ZNF570: variants seen among roughly 807,000 people sequenced by gnomAD.
The protein encoded by ZNF570 is zinc finger protein 570.
In ZNF570, 8 loss-of-function variants were observed where a neutral mutation model predicts 14.2. The ratio of observed to expected loss-of-function variants is 0.56; its 90% CI spans 0.33 to 1.02. ZNF570 has a LOEUF of 1.02. ZNF570 is among the 50% of genes least tolerant of loss of function. The pLI, the probability that ZNF570 is intolerant of heterozygous loss-of-function variation, is 0.03. For missense variants in ZNF570, 559 were observed against 624.9 expected, an observed-to-expected ratio of 0.89 and a Z score of 1.12; for synonymous variants, 202 against 207.6, an observed-to-expected ratio of 0.97 and a Z score of 0.23.
chr19:37,483,690 T>C (rs1174317749), intron 4 of ZNF570, among the ~76,000 whole-genome samples, 189 bp from the exon 5 acceptor site: 1 of 152,234 alleles, frequency 6.6e-6, no homozygotes, highest in Non-Finnish European at 1.5e-5. Context: ...ATAATTCTAA[T>C]CATTCCTTCT....
In ZNF570 at chr19:37,488,263, G is replaced by A. The variant is rs2042176847; in HGVS notation, c.*3030G>A. 1 of 152,122 alleles carries A rather than the reference G, an allele frequency of 6.6e-6. No homozygotes were observed. Among genetic ancestry groups the A allele is most frequent in the Non-Finnish European group, 1.5e-5 (1 of 68,010 alleles). The allele number at this position is 152,122 out of a possible 1,614,324, so 9.4% of individuals were successfully genotyped here. A position where few individuals can be genotyped will look rare whatever the true frequency, so the allele number is the denominator to read the frequency against. On this transcript the variant is annotated 3_prime_UTR_variant, in exon 5 of 5. Transcript: ENST00000330173. The stretch of plus-strand genomic sequence containing the variant: ...TAACTAGAGATATTTCTGTCAACAT[G>A]GGTAAACCTCAAAAATAGTATTAAT...
chr19:37,477,327 GT>G (rs2147012612), intron 4 of ZNF570, among the ~76,000 whole-genome samples: 1 of 148,132 alleles, frequency 6.8e-6, no homozygotes, highest in Admixed American at 6.8e-5. Flanking sequence ...GTGTGTGTGT[GT>G]GTGTATTTGT....
At position 37,475,887 on chromosome 19, in the gene ZNF570, G is replaced by A; in HGVS notation, c.40G>A (p.Val14Met). 2 of 1,607,922 alleles carry A rather than the reference G, an allele frequency of 1.2e-6. No individual in the cohort carries two copies. Among genetic ancestry groups the A allele is most frequent in the Non-Finnish European group, 1.7e-6 (2 of 1,178,296 alleles). The change falls in exon 3 of 5, where the codon GTG (valine) becomes ATG (methionine). Residue 14 changes from valine to methionine, a missense_variant. Coordinates refer to ENST00000330173, the MANE Select transcript of ZNF570 (RefSeq NM_144694.5). ...TCCATTTATTTCATTTCAGGAGTTG[G>A]TGACCTTCAGAGATGTGGCTGTAGA... ...GLLKAMYQEL[V>M]TFRDVAVDFS...
chr19:37,485,505 T>G lies in ZNF570; in HGVS notation c.*272T>G. The stretch of plus-strand genomic sequence containing the variant: ...TCACTGCAACCTCTGACTCCCAGCC[T>G]CTGCCTCCAGGGTTCAAGCAATTCT... On this transcript the variant is annotated 3_prime_UTR_variant, in exon 5 of 5. Coordinates refer to ENST00000330173, the MANE Select transcript of ZNF570 (RefSeq NM_144694.5). 3.2e-6 allele frequency: 1 copy of G among 314,672 alleles called. No individual in the cohort carries two copies. The highest frequency in any genetic ancestry group is 5.8e-6 in the Non-Finnish European group (1 of 172,652). The allele number at this position is 314,672 out of a possible 1,614,324, so 19.5% of individuals were successfully genotyped here.
At chr19:37,468,131 C>T, upstream of ZNF570, 1 of 612,186 alleles carries the variant, frequency 1.6e-6, no homozygotes, top group Non-Finnish European at 2.9e-6. Flanking sequence ...GTTGCCCAGG[C>T]TGGAGAGTGC....
At chr19:37,469,253 G>A, upstream of ZNF570, 2 of 1,388,288 alleles carry the variant, frequency 1.4e-6, no homozygotes, top group Non-Finnish European at 1.9e-6. Flanking sequence ...CAGACACTGC[G>A]ACGCCGCGAC....
In ZNF570 at chr19:37,483,868, T is replaced by C. The variant is rs2042113916; in HGVS notation, c.257-11T>C. On this transcript the variant is annotated splice_polypyrimidine_tract_variant and intron_variant, in intron 4 of 4. Coordinates refer to ENST00000330173, the MANE Select transcript of ZNF570 (RefSeq NM_144694.5). ...ATAGAGGAGACATTTTTTCTTATTATTACTTTTCAGGCTGGGAGCCTATAT... is the reference window on the plus strand; with the variant it reads ...ATAGAGGAGACATTTTTTCTTATTACTACTTTTCAGGCTGGGAGCCTATAT... 6.4e-7 allele frequency: 1 copy of C among 1,572,786 alleles called. No homozygotes were observed. The highest frequency in any genetic ancestry group is 1.4e-5 in the African/African-American group (1 of 72,794).
At chr19:37,477,321 G>GTGTGTT (rs1168561323) in intron 4 of ZNF570, among the ~76,000 whole-genome samples, 296 of 149,970 alleles carry the variant, frequency 2.0e-3, no homozygotes, top group African/African-American at 7.0e-3. Context: ...GTGTGTGTGT[G>GTGTGTT]TGTGTGTGTG....
At chr19:37,475,796 A>G (rs1001365935) in intron 2 of ZNF570, 85 bp from the exon 3 acceptor site, 1 of 1,338,920 alleles carries the variant, frequency 7.5e-7, no homozygotes, top group African/African-American at 1.5e-5. Context: ...AGGATGTAAT[A>G]TCAGAGAGAG....
chr19:37,484,023 A>G lies in ZNF570; in HGVS notation c.401A>G (p.Tyr134Cys), dbSNP rs756950785. Residue 134 changes from tyrosine (Y) to cysteine (C), a missense_variant, in exon 5 of 5, where the codon TAT (tyrosine) becomes TGT (cysteine). Tyr to Cys is a radical substitution (Grantham distance 194). Coordinates refer to ENST00000330173, the MANE Select transcript of ZNF570 (RefSeq NM_144694.5). ...SLREEWKCEG[Y>C]FERQPGNQKA... is the part of the protein sequence containing the mutation. ...AGAGAAGAGTGGAAATGTGAGGGCT[A>G]TTTTGAAAGGCAACCAGGTAATCAG... 13 of 1,614,124 alleles carry G rather than the reference A, an allele frequency of 8.1e-6. No homozygotes were observed. Among genetic ancestry groups the G allele is most frequent in the Admixed American group, 3.3e-5 (2 of 60,026 alleles).
chr19:37,483,877 A>C lies in ZNF570; in HGVS notation c.257-2A>C. 6.3e-7 allele frequency: 1 copy of C among 1,577,974 alleles called. No individual in the cohort carries two copies. The highest frequency in any genetic ancestry group is 1.9e-5 in the Admixed American group (1 of 51,288). Reference sequence around the variant, plus strand: ...ACATTTTTTCTTATTATTACTTTTCAGGCTGGGAGCCTATATGTGAGACTG... The same window carrying C: ...ACATTTTTTCTTATTATTACTTTTCCGGCTGGGAGCCTATATGTGAGACTG... On this transcript the variant is annotated splice_acceptor_variant, in intron 4 of 4. Coordinates refer to ENST00000330173, the MANE Select transcript of ZNF570 (RefSeq NM_144694.5). LOFTEE classifies it high-confidence loss of function.
chr19:37,484,397 T>C lies in ZNF570; in HGVS notation c.775T>C (p.Ser259Pro). The change falls in exon 5 of 5, where the codon TCA (serine) becomes CCA (proline). Residue 259 changes from serine to proline, a missense_variant. Physicochemically the swap from Ser to Pro is moderately conservative, Grantham distance 74. Coordinates refer to ENST00000330173, the MANE Select transcript of ZNF570 (RefSeq NM_144694.5). Reference sequence around the variant, plus strand: ...GTGTGGAAAAGCCTTCAGCCAGAGATCAAATCTTGTTCAACATCAGAGGAT... The same window carrying C: ...GTGTGGAAAAGCCTTCAGCCAGAGACCAAATCTTGTTCAACATCAGAGGAT... ...IECGKAFSQRSNLVQHQRIHT... is the reference protein window; with the variant it reads ...IECGKAFSQRPNLVQHQRIHT... The C allele has an allele frequency of 6.2e-7, 1 of 1,613,672 alleles. No homozygotes were observed. Among genetic ancestry groups the C allele is most frequent in the Non-Finnish European group, 8.5e-7 (1 of 1,179,912 alleles).
At position 37,469,563 on chromosome 19, in the gene ZNF570, T is replaced by C. The variant is rs1600371986; in HGVS notation, c.-52+6T>C. On this transcript the variant is annotated splice_donor_region_variant and intron_variant, in intron 1 of 4. Coordinates refer to ENST00000330173, the MANE Select transcript of ZNF570 (RefSeq NM_144694.5). ...TGACTCCGGTGCGAGTGGAGGTTGG[T>C]ACCGTTCAGTGCGAGGCTGTCACCC... 6.5e-7 allele frequency: 1 copy of C among 1,536,140 alleles called. No homozygotes were observed. The highest frequency in any genetic ancestry group is 8.7e-7 in the Non-Finnish European group (1 of 1,146,746).
intron 4 of ZNF570, among the ~76,000 whole-genome samples, chr19:37,480,679 G>A (rs1473220949): frequency 6.6e-6 from 1 of 151,608 alleles, no homozygotes; most frequent in Non-Finnish European, 1.5e-5. Context: ...TTGGCTAGGT[G>A]TGGTGGCTTA....
At chr19:37,469,144 T>C (rs1408562220), upstream of ZNF570, 4 of 1,119,828 alleles carry the variant, frequency 3.6e-6, no homozygotes, top group Non-Finnish European at 4.4e-6. Flanking sequence ...GAATCCGGAC[T>C]TTCGGGCTCT....
At chr19:37,476,043 C>A in intron 3 of ZNF570, 36 bp downstream of exon 3, 1 of 1,570,718 alleles carries the variant, frequency 6.4e-7, no homozygotes, top group South Asian at 1.2e-5. Flanking sequence ...AGCTTCTGCT[C>A]AAAAGGGGCT....
chr19:37,484,061 A>G lies in ZNF570; in HGVS notation c.439A>G (p.Lys147Glu), dbSNP rs2042117771. Residue 147 changes from lysine (K) to glutamate (E), a missense_variant, in exon 5 of 5, where the codon AAG (lysine) becomes GAG (glutamate). Lys to Glu is a moderately conservative substitution (Grantham distance 56, BLOSUM62 1). Coordinates refer to ENST00000330173, the MANE Select transcript of ZNF570 (RefSeq NM_144694.5). Reference protein sequence around the residue: ...RQPGNQKACFKEEIITHEEPL... With the variant: ...RQPGNQKACFEEEIITHEEPL... ...ACCAGGTAATCAGAAGGCGTGTTTC[A>G]AGGAAGAGATAATCACTCATGAAGA... 3 of 1,614,154 alleles carry G rather than the reference A, an allele frequency of 1.9e-6. No individual in the cohort carries two copies. Among genetic ancestry groups the G allele is most frequent in the Non-Finnish European group, 2.5e-6 (3 of 1,180,020 alleles).
intron 2 of ZNF570, among the ~76,000 whole-genome samples, chr19:37,471,140 A>G (rs1315921172): frequency 6.7e-6 from 1 of 149,884 alleles, no homozygotes; most frequent in African/African-American, 2.5e-5. Flanking sequence ...CAGCCTCCCA[A>G]GTAGCTGGGA....
chr19:37,470,019 G>T (rs1257965122), intron 1 of ZNF570, among the ~76,000 whole-genome samples: 2 of 152,184 alleles, frequency 1.3e-5, no homozygotes, highest in Non-Finnish European at 2.9e-5. Context: ...TCTTTTATTT[G>T]ATCTTGGTGC....
Sources: gnomAD v4.1 joint callset for allele counts (sites outside exome capture counted in the v4.1 genomes callset) on GRCh38, gnomAD v4.1.1 for gene constraint, MANE v1.5 for transcripts, NCBI Gene and HGNC (gene_info 2026-07-23, HGNC 2026-07-21) for gene names.